Variants in ESRRG observed in about 807,000 individuals in gnomAD.
The protein encoded by ESRRG is estrogen related receptor gamma.
Under a neutral mutation model 44.0 loss-of-function variants are expected in ESRRG, and 13 were observed. The observed-to-expected ratio is 0.30, with a 90% CI of 0.19 to 0.47. The LOEUF (loss-of-function observed/expected upper bound fraction) is 0.47, where lower values mean the gene tolerates loss of function less well. ESRRG is among the 20% of genes least tolerant of loss of function. The pLI is 1.00. For synonymous variants in ESRRG, 215 were observed against 214.6 expected (o/e 1.00, Z -0.02); for missense variants, 395 against 580.6 (o/e 0.68, Z 3.29).
intron 2 of ESRRG, among the ~76,000 whole-genome samples, chr1:216,789,227 T>C (rs2094232311): frequency 6.6e-6 from 1 of 152,096 alleles, no homozygotes; most frequent in African/African-American, 2.4e-5. Context: ...TAAGAGTCAA[T>C]CAATGTGGCA....
chr1:216,537,249 G>C (rs1320525755), intron 5 of ESRRG, among the ~76,000 whole-genome samples: 1 of 151,974 alleles, frequency 6.6e-6, no homozygotes, highest in African/African-American at 2.4e-5. Flanking sequence ...CTCCATAACA[G>C]AGCATGGTGA....
intron 5 of ESRRG, among the ~76,000 whole-genome samples, chr1:216,527,274 T>C (rs906940604): frequency 6.6e-6 from 1 of 152,188 alleles, no homozygotes; most frequent in Non-Finnish European, 1.5e-5. Flanking sequence ...ATTCCAGTTT[T>C]GGTTAGGCCT....
chr1:216,877,719 G>T (rs1313023402), intron 2 of ESRRG, among the ~76,000 whole-genome samples: 2 of 151,994 alleles, frequency 1.3e-5, no homozygotes, highest in African/African-American at 4.8e-5. Flanking sequence ...ACCGCGCCCG[G>T]CCTATATGTA....
intron 1 of ESRRG, among the ~76,000 whole-genome samples, chr1:216,940,457 G>A (rs1343030741): frequency 2.0e-5 from 3 of 152,284 alleles, no homozygotes; most frequent in East Asian, 3.9e-4. Context: ...ATTCTGTGCC[G>A]AACTTGCAGC....
At chr1:216,647,921 T>C (rs2067997024) in intron 3 of ESRRG, among the ~76,000 whole-genome samples, 1 of 152,190 alleles carries the variant, frequency 6.6e-6, no homozygotes, top group African/African-American at 2.4e-5. Context: ...CTAATGTTGT[T>C]TTTTGTTTAA....
rs189193522 is a variant in ESRRG at position 216,753,022 on chromosome 1, C to A, written c.-13-75531G>T. Reference sequence around the variant, plus strand: ...AAAAGAAAGGTAGATGCAGAACCACCAGTAAGTTTATACCAGGATGATGAG... The same window carrying A: ...AAAAGAAAGGTAGATGCAGAACCACAAGTAAGTTTATACCAGGATGATGAG... On this transcript the variant is annotated intron_variant, in intron 2 of 7. Coordinates refer to the ESRRG transcript ENST00000359162. Among the ~76,000 whole-genome samples, 3 of 151,914 alleles carry A rather than the reference C, an allele frequency of 2.0e-5. No homozygotes were observed. The East Asian group carries it at 5.8e-4, about 29-fold the overall frequency.
intron 2 of ESRRG, among the ~76,000 whole-genome samples, chr1:216,899,581 A>C (rs1206762640): frequency 6.6e-6 from 1 of 152,212 alleles, no homozygotes; most frequent in African/African-American, 2.4e-5. Flanking sequence ...TTCCTCTCTG[A>C]CTTCAACATG....
intron 3 of ESRRG, among the ~76,000 whole-genome samples, chr1:216,631,966 G>A (rs572475692): frequency 2.8e-4 from 42 of 152,164 alleles, no homozygotes; most frequent in African/African-American, 5.1e-4. Context: ...GGTGCCCTCC[G>A]TACCATAAGC....
chr1:216,574,770 T>C (rs2061406764), intron 3 of ESRRG, among the ~76,000 whole-genome samples: 1 of 152,098 alleles, frequency 6.6e-6, no homozygotes, highest in Admixed American at 6.6e-5. Context: ...GTTAAATAAA[T>C]GTTATCAAAC....
chr1:216,985,121 C>T (rs1409226139), intron 1 of ESRRG, among the ~76,000 whole-genome samples: 1 of 152,144 alleles, frequency 6.6e-6, no homozygotes, highest in Non-Finnish European at 1.5e-5. Flanking sequence ...AAAACCTAAC[C>T]CATAAAAGAT....
At chr1:216,873,996 G>C (rs1230863824) in intron 2 of ESRRG, among the ~76,000 whole-genome samples, 1 of 123,260 alleles carries the variant, frequency 8.1e-6, no homozygotes, top group African/African-American at 3.0e-5. Context: ...GGGGAAGGAG[G>C]GAGGGAGGGA....
intron 2 of ESRRG, among the ~76,000 whole-genome samples, chr1:216,903,873 G>C (rs931079510): frequency 1.3e-5 from 2 of 152,124 alleles, no homozygotes; most frequent in African/African-American, 4.8e-5. Flanking sequence ...ATCCAATTAT[G>C]TTCTTGCTTG....
chr1:216,776,073 T>C (rs1055953220), intron 2 of ESRRG, among the ~76,000 whole-genome samples: 1 of 152,120 alleles, frequency 6.6e-6, no homozygotes, highest in Non-Finnish European at 1.5e-5. Context: ...CACTCCTCTA[T>C]GTAAATCCCT....
chr1:216,894,933 T>C (rs2058245303), intron 2 of ESRRG, among the ~76,000 whole-genome samples: 1 of 152,230 alleles, frequency 6.6e-6, no homozygotes, highest in Non-Finnish European at 1.5e-5. Context: ...TTAAACTTGC[T>C]AAAATATATT....
intron 3 of ESRRG, among the ~76,000 whole-genome samples, chr1:216,593,235 T>G (rs1222839621): frequency 6.6e-6 from 1 of 152,240 alleles, no homozygotes; most frequent in Non-Finnish European, 1.5e-5. Flanking sequence ...TTGCTTAGCT[T>G]TTTAACTAAA....
intron 3 of ESRRG, among the ~76,000 whole-genome samples, chr1:216,578,929 A>C (rs1351081426): frequency 1.3e-5 from 2 of 152,152 alleles, no homozygotes; most frequent in African/African-American, 2.4e-5. Flanking sequence ...TGAGGAATGT[A>C]AGGTCTCATG....
rs569549210 is a variant in ESRRG at position 217,084,304 on chromosome 1, T to A, written c.-106+5203A>T. On this transcript the variant is annotated intron_variant, in intron 1 of 7. Coordinates refer to the ESRRG transcript ENST00000359162. ...ACAGCTTGTAGATAATGTATGGTTA[T>A]AAACTGTAACTCACTATACAAATGT... 1.8e-4 allele frequency among the ~76,000 whole-genome samples: 28 copies of A among 152,308 alleles called. No homozygotes were observed. The South Asian group carries it at 3.7e-3, about 20-fold the overall frequency.
intron 6 of ESRRG, among the ~76,000 whole-genome samples, chr1:216,508,561 C>T (rs1017861293): frequency 4.6e-5 from 7 of 152,204 alleles, no homozygotes; most frequent in East Asian, 1.9e-4. Context: ...CCCCAACATA[C>T]GCCTGGCCTT....
intron 3 of ESRRG, among the ~76,000 whole-genome samples, chr1:216,571,664 A>G (rs1361678853): frequency 6.6e-6 from 1 of 151,970 alleles, no homozygotes; most frequent in African/African-American, 2.4e-5. Context: ...TCACTCGTAC[A>G]TTTACCTCAT....
Sources: allele counts gnomAD v4.1 joint callset (sites outside exome capture counted in the v4.1 genomes callset), GRCh38; gene constraint gnomAD v4.1.1; transcripts MANE v1.5; gene names NCBI Gene and HGNC (gene_info 2026-07-23, HGNC 2026-07-21).